SCN8A: variants seen among roughly 807,000 people sequenced by gnomAD.
SCN8A encodes sodium channel protein type 8 subunit alpha.
Under a neutral mutation model 184.1 loss-of-function variants are expected in SCN8A, and 30 were observed. The observed-to-expected ratio is 0.16, with a 90% CI of 0.12 to 0.22. SCN8A has a LOEUF of 0.22. Ranked by LOEUF, SCN8A falls within the 10% of genes least tolerant of loss-of-function variation. The pLI, the probability that SCN8A is intolerant of heterozygous loss-of-function variation, is 1.00. For synonymous variants in SCN8A, 852 were observed against 907.0 expected (o/e 0.94, Z 1.09); for missense variants, 1,057 against 2,498.9 (o/e 0.42, Z 12.30).
intron 26 of SCN8A, among the ~76,000 whole-genome samples, chr12:51,804,295 GCTGATA>G (rs1470328964): frequency 6.6e-6 from 1 of 151,652 alleles, no homozygotes; most frequent in Admixed American, 6.6e-5. Context: ...ATCTTTACCT[GCTGATA>G]CTGGTTTCTT....
At chr12:51,791,841 G>A (rs1938262812) in intron 25 of SCN8A, among the ~76,000 whole-genome samples, 1 of 152,082 alleles carries the variant, frequency 6.6e-6, no homozygotes, top group African/African-American at 2.4e-5. Flanking sequence ...CCGTGCCACT[G>A]TACTCCAGCT....
intron 1 of SCN8A, among the ~76,000 whole-genome samples, chr12:51,645,948 A>G (rs898573636): frequency 2.5e-5 from 1 of 40,370 alleles, no homozygotes; most frequent in Non-Finnish European, 5.4e-5. Context: ...AGAATGATCA[A>G]TTAAAAAAAA....
rs1938161576 is a variant in SCN8A at position 51,788,805 on chromosome 12, A to G, written c.4281+57A>G. The G allele has an allele frequency of 6.2e-5, 93 of 1,496,900 alleles. No individual in the cohort carries two copies. The South Asian group carries it at 1.1e-3, about 18-fold the overall frequency. 92.7% of individuals were successfully genotyped at this position (1,496,900 alleles called of 1,614,324 possible). A position where few individuals can be genotyped will look rare whatever the true frequency, so the allele number is the denominator to read the frequency against. On this transcript the variant is annotated intron_variant, in intron 23 of 26. Transcript: ENST00000627620. ...CTCAGATGGCTGGAAAGCAAGCAGC[A>G]TGGTATACCGAGCCCACCAAGAAAG...
intron 1 of SCN8A, among the ~76,000 whole-genome samples, chr12:51,632,457 CT>C (rs1187867041): frequency 6.6e-6 from 1 of 152,128 alleles, no homozygotes; most frequent in Admixed American, 6.6e-5. Context: ...ACTCCCCTCC[CT>C]TGTGGCTGTA....
chr12:51,728,564 T>C (rs1942190066), intron 12 of SCN8A, among the ~76,000 whole-genome samples: 1 of 151,894 alleles, frequency 6.6e-6, no homozygotes, highest in Non-Finnish European at 1.5e-5. Context: ...TGAGACCTCA[T>C]CTCTTCAAAA....
chr12:51,660,015 T>A (rs1333980877), intron 1 of SCN8A, among the ~76,000 whole-genome samples: 1 of 152,124 alleles, frequency 6.6e-6, no homozygotes, highest in African/African-American at 2.4e-5. Flanking sequence ...AAATTACCAA[T>A]GTACAAATTA....
At position 51,790,389 on chromosome 12, in the gene SCN8A, C is replaced by T. The variant is rs887883542; in HGVS notation, c.4420-9C>T. On this transcript the variant is annotated splice_polypyrimidine_tract_variant and intron_variant, in intron 24 of 26. Transcript: ENST00000627620. ...TTGTAATTGTCTGTTTTCTTCTTCC[C>T]TCCTTTACTTCGGAGGTCAGGACAT... The T allele has an allele frequency of 1.3e-6, 2 of 1,595,180 alleles. No homozygotes were observed. The highest frequency in any genetic ancestry group is 1.1e-5 in the South Asian group (1 of 88,840).
chr12:51,761,727 G>T (rs1460669108), intron 14 of SCN8A, among the ~76,000 whole-genome samples: 2 of 152,044 alleles, frequency 1.3e-5, no homozygotes, highest in Non-Finnish European at 2.9e-5. Flanking sequence ...GGACTCAAGT[G>T]ATCTGCCTGC....
intron 1 of SCN8A, among the ~76,000 whole-genome samples, chr12:51,614,079 T>G (rs1279884431): frequency 6.6e-6 from 1 of 152,140 alleles, no homozygotes; most frequent in Admixed American, 6.5e-5. Flanking sequence ...GATGGTGGTG[T>G]TTAGTTTCTC....
intron 1 of SCN8A, among the ~76,000 whole-genome samples, chr12:51,634,110 T>TGGGAAAATGCATGAATTAG (rs1474763167): frequency 6.6e-6 from 1 of 152,156 alleles, no homozygotes; most frequent in Non-Finnish European, 1.5e-5. Flanking sequence ...ACTACTGCTA[T>TGGGAAAATGCATGAATTAG]GGGAAAATGC....
intron 6 of SCN8A, among the ~76,000 whole-genome samples, chr12:51,697,065 C>T (rs1261696819): frequency 2.1e-5 from 3 of 143,362 alleles, no homozygotes; most frequent in African/African-American, 7.7e-5. Flanking sequence ...GAAAAAGAAA[C>T]ACAATAGGTC....
intron 2 of SCN8A, among the ~76,000 whole-genome samples, chr12:51,674,795 A>G (rs1486817181): frequency 6.6e-6 from 1 of 152,216 alleles, no homozygotes; most frequent in Non-Finnish European, 1.5e-5. Flanking sequence ...CCTTCATTTA[A>G]TCTTTATAAC....
chr12:51,773,925 G>T (rs1463030753), intron 19 of SCN8A, among the ~76,000 whole-genome samples: 2 of 152,210 alleles, frequency 1.3e-5, no homozygotes, highest in Non-Finnish European at 2.9e-5. Flanking sequence ...TAATGAAAAT[G>T]TTCTAAAATT....
Position 51,811,704 on chromosome 12 carries a change from ACT to A in SCN8A, c.*4281_*4282del, listed in dbSNP as rs368023390. ...AGGCCATGTCTCCTGGTTCAGGAAC[ACT>A]CTCTCAGGAGGATCTCGAAGTGCCC... On this transcript the variant is annotated 3_prime_UTR_variant, in exon 27 of 27. Transcript: ENST00000627620. 0.021 allele frequency: 3,223 copies of A among 151,786 alleles called. 100 individuals are homozygous for A. The highest frequency in any genetic ancestry group is 0.071 in the African/African-American group (2,913 of 41,302). The allele number at this position is 151,786 out of a possible 1,614,324, so 9.4% of individuals were successfully genotyped here. A position where few individuals can be genotyped will look rare whatever the true frequency, so the allele number is the denominator to read the frequency against.
intron 3 of SCN8A, among the ~76,000 whole-genome samples, chr12:51,685,887 A>G (rs1941411250): frequency 6.6e-6 from 1 of 152,184 alleles, no homozygotes; most frequent in African/African-American, 2.4e-5. Context: ...AAGAACAACA[A>G]CTATGGAAAA....
chr12:51,798,561 C>G (rs1447076658), intron 26 of SCN8A, among the ~76,000 whole-genome samples: 1 of 152,192 alleles, frequency 6.6e-6, no homozygotes, highest in Non-Finnish European at 1.5e-5. Flanking sequence ...GTGGCCACAA[C>G]CAGGTCAGCC....
chr12:51,601,126 C>T (rs765068665), intron 1 of SCN8A, among the ~76,000 whole-genome samples: 1 of 152,178 alleles, frequency 6.6e-6, no homozygotes, highest in Non-Finnish European at 1.5e-5. Flanking sequence ...ATACAATAGT[C>T]TCTTGGAAAG....
intron 16 of SCN8A, 200 bp downstream of exon 16, chr12:51,766,227 C>G (rs188434292): frequency 9.0e-5 from 54 of 597,846 alleles, no homozygotes; most frequent in Non-Finnish European, 1.4e-4. Flanking sequence ...TAGTCATGAC[C>G]CCCACAACTT....
chr12:51,804,517 T>C (rs1393165417), intron 26 of SCN8A, among the ~76,000 whole-genome samples: 1 of 143,598 alleles, frequency 7.0e-6, no homozygotes, highest in African/African-American at 2.6e-5. Context: ...TGAGATGGAG[T>C]CTCACTCTGT....
Sources: gnomAD v4.1 joint callset for allele counts (sites outside exome capture counted in the v4.1 genomes callset) on GRCh38, gnomAD v4.1.1 for gene constraint, MANE v1.5 for transcripts, NCBI Gene and HGNC (gene_info 2026-07-23, HGNC 2026-07-21) for gene names.